RALYL: variants seen among roughly 807,000 people sequenced by gnomAD.
RALYL encodes the protein RNA-binding Raly-like protein.
Under a neutral mutation model 35.1 loss-of-function variants are expected in RALYL, and 29 were observed. That is an observed-to-expected ratio of 0.83 (90% CI 0.61 to 1.13). The LOEUF is 1.13. RALYL is among the 50% of genes most tolerant of loss of function. The pLI is 0.00. For synonymous variants in RALYL, 120 were observed against 127.6 expected (o/e 0.94, Z 0.40); for missense variants, 359 against 360.4 (o/e 1.00, Z 0.03).
intron 2 of RALYL, chr8:84,665,619 G>T (rs1415455697): frequency 1.3e-5 from 2 of 151,936 alleles, no homozygotes; most frequent in Non-Finnish European, 2.9e-5. Context: ...ATTCTCTAAT[G>T]GTTGTTTGTA....
At chr8:84,477,819 T>C (rs1475629162) in intron 1 of RALYL, among the ~76,000 whole-genome samples, 1 of 151,856 alleles carries the variant, frequency 6.6e-6, no homozygotes, top group Non-Finnish European at 1.5e-5. Context: ...AGTGATATCC[T>C]TAACACCCTT....
intron 2 of RALYL, among the ~76,000 whole-genome samples, chr8:84,578,656 T>C (rs1027284810): frequency 6.6e-6 from 1 of 152,040 alleles, no homozygotes. Flanking sequence ...AGTGGGTAGC[T>C]CCTATCCACA....
intron 8 of RALYL, among the ~76,000 whole-genome samples, chr8:84,891,708 G>C (rs10097981): frequency 6.6e-6 from 1 of 151,974 alleles, no homozygotes; most frequent in African/African-American, 2.4e-5. Context: ...CTTGCAATCC[G>C]GATTGAAACT....
At chr8:84,402,119 G>A (rs1270794756) in intron 1 of RALYL, among the ~76,000 whole-genome samples, 1 of 152,142 alleles carries the variant, frequency 6.6e-6, no homozygotes, top group Non-Finnish European at 1.5e-5. Flanking sequence ...CTTTCCGTGT[G>A]AGTTGTGTAA....
intron 8 of RALYL, among the ~76,000 whole-genome samples, chr8:84,911,338 T>A (rs1847478529): frequency 6.6e-6 from 1 of 152,174 alleles, no homozygotes; most frequent in African/African-American, 2.4e-5. Context: ...ACTGGTTATA[T>A]CTTTTCATAA....
At chr8:84,254,847 A>T (rs957147396) in intron 1 of RALYL, among the ~76,000 whole-genome samples, 3 of 151,846 alleles carry the variant, frequency 2.0e-5, no homozygotes, top group Admixed American at 1.3e-4. Flanking sequence ...GGAACAAGGG[A>T]CCTTCTTCAC....
chr8:84,762,505 C>G, intron 2 of RALYL, among the ~76,000 whole-genome samples: 1 of 152,088 alleles, frequency 6.6e-6, no homozygotes, highest in East Asian at 1.9e-4. Flanking sequence ...TGAAAAGAAT[C>G]TTTTTGAAAA....
chr8:84,830,339 C>T (rs1830638567), intron 4 of RALYL, among the ~76,000 whole-genome samples: 1 of 151,710 alleles, frequency 6.6e-6, no homozygotes, highest in African/African-American at 2.4e-5. Flanking sequence ...CAAGCTATTT[C>T]TAAGAAATCT....
chr8:84,606,683 C>T (rs1036551682), intron 2 of RALYL, among the ~76,000 whole-genome samples: 5 of 151,994 alleles, frequency 3.3e-5, no homozygotes, highest in Non-Finnish European at 7.4e-5. Context: ...GTCTATCCAA[C>T]CTGATGTTGA....
chr8:84,237,347 T>A (rs1427882889), intron 1 of RALYL, among the ~76,000 whole-genome samples: 1 of 152,004 alleles, frequency 6.6e-6, no homozygotes, highest in Admixed American at 6.5e-5. Context: ...TAAGGAAGAA[T>A]CTTAAAGGTA....
At chr8:84,566,986 A>T (rs1039891431) in intron 2 of RALYL, among the ~76,000 whole-genome samples, 3 of 151,886 alleles carry the variant, frequency 2.0e-5, no homozygotes, top group African/African-American at 7.2e-5. Flanking sequence ...ATCTCCTTGA[A>T]CAATTTCCTC....
intron 2 of RALYL, among the ~76,000 whole-genome samples, chr8:84,552,730 A>G (rs1201603335): frequency 1.3e-5 from 2 of 148,990 alleles, no homozygotes; most frequent in Non-Finnish European, 3.0e-5. Flanking sequence ...TTTTTTTCAC[A>G]TTCCAAAAGT....
At chr8:84,873,671 A>T (rs558532195) in intron 7 of RALYL, among the ~76,000 whole-genome samples, 5 of 152,320 alleles carry the variant, frequency 3.3e-5, no homozygotes, top group Admixed American at 3.3e-4. Context: ...TCACAGTTGA[A>T]ACTTTATCTC....
chr8:84,761,865 A>G (rs577723746), intron 2 of RALYL, among the ~76,000 whole-genome samples: 1 of 152,306 alleles, frequency 6.6e-6, no homozygotes, highest in African/African-American at 2.4e-5. Flanking sequence ...ATCCTTTGGA[A>G]AACATACATT....
intron 7 of RALYL, among the ~76,000 whole-genome samples, chr8:84,882,067 G>T (rs1842251758): frequency 6.6e-6 from 1 of 151,856 alleles, no homozygotes; most frequent in Non-Finnish European, 1.5e-5. Flanking sequence ...ATCTTACATG[G>T]TCAGCACTTC....
chr8:84,490,319 A>G (rs1445405019), intron 1 of RALYL, among the ~76,000 whole-genome samples: 1 of 152,020 alleles, frequency 6.6e-6, no homozygotes, highest in Non-Finnish European at 1.5e-5. Context: ...AAACTTACTC[A>G]CATAAAGCAA....
chr8:84,847,579 C>T (rs760272025), intron 4 of RALYL, among the ~76,000 whole-genome samples: 21 of 152,080 alleles, frequency 1.4e-4, no homozygotes, highest in Non-Finnish European at 5.9e-5. Flanking sequence ...TTGATGGTAG[C>T]CAATAGGTGG....
At chr8:84,616,604 C>T (rs2130969048) in intron 2 of RALYL, among the ~76,000 whole-genome samples, 1 of 150,712 alleles carries the variant, frequency 6.6e-6, no homozygotes, top group South Asian at 2.1e-4. Flanking sequence ...TAATTAGATC[C>T]CATTTGTCAA....
chr8:84,801,190 C>T (rs548804276), intron 3 of RALYL, among the ~76,000 whole-genome samples: 1 of 152,206 alleles, frequency 6.6e-6, no homozygotes, highest in East Asian at 1.9e-4. Context: ...GGTAGAGTGG[C>T]CTGATGGGGG....
Sources: gnomAD v4.1 joint callset for allele counts (sites outside exome capture counted in the v4.1 genomes callset) on GRCh38, gnomAD v4.1.1 for gene constraint, MANE v1.5 for transcripts, NCBI Gene and HGNC (gene_info 2026-07-23, HGNC 2026-07-21) for gene names.